Variants in ERBB4 observed in about 807,000 individuals in gnomAD.
The protein encoded by ERBB4 is receptor tyrosine-protein kinase erbB-4.
A neutral mutation model predicts 158.0 loss-of-function variants in ERBB4; 42 were observed. That is an observed-to-expected ratio of 0.27 (90% CI 0.21 to 0.34). ERBB4 has a LOEUF of 0.34. Among genes scored for constraint, ERBB4 ranks in the 10% least tolerant of loss-of-function variants. The pLI, the probability that ERBB4 is intolerant of heterozygous loss-of-function variation, is 1.00. For synonymous variants in ERBB4, 583 were observed against 558.7 expected (o/e 1.04, Z -0.61); for missense variants, 1,333 against 1,624.1 (o/e 0.82, Z 3.08).
chr2:211,435,271 G>A (rs2063824785), intron 20 of ERBB4, among the ~76,000 whole-genome samples: 1 of 152,194 alleles, frequency 6.6e-6, no homozygotes, highest in Non-Finnish European at 1.5e-5. Context: ...CGTCAGGCCA[G>A]CTTGAGTAAA....
chr2:212,403,178 A>T, intron 1 of ERBB4, among the ~76,000 whole-genome samples: 1 of 152,118 alleles, frequency 6.6e-6, no homozygotes, highest in East Asian at 1.9e-4. Context: ...AAGGCCTTAG[A>T]AAGTTCAAAA....
chr2:211,880,487 T>C (rs966341080), intron 3 of ERBB4, among the ~76,000 whole-genome samples: 1 of 152,200 alleles, frequency 6.6e-6, no homozygotes, highest in Non-Finnish European at 1.5e-5. Context: ...AATTGTTTAC[T>C]TGACTATACA....
chr2:211,453,888 A>C (rs1384593683), intron 20 of ERBB4, among the ~76,000 whole-genome samples: 1 of 152,206 alleles, frequency 6.6e-6, no homozygotes, highest in South Asian at 2.1e-4. Context: ...CTAGGAAAAA[A>C]TACTAAGCTA....
At chr2:211,876,079 C>A (rs2078491532) in intron 3 of ERBB4, among the ~76,000 whole-genome samples, 1 of 152,128 alleles carries the variant, frequency 6.6e-6, no homozygotes, top group African/African-American at 2.4e-5. Context: ...TTAAAATAGA[C>A]AAATACACAG....
intron 1 of ERBB4, among the ~76,000 whole-genome samples, chr2:212,419,555 A>T (rs1289307705): frequency 1.3e-5 from 2 of 151,894 alleles, no homozygotes; most frequent in Non-Finnish European, 2.9e-5. Flanking sequence ...ATATAAATGT[A>T]TATGCATATA....
chr2:211,644,255 C>T (rs1275842352), intron 16 of ERBB4, among the ~76,000 whole-genome samples: 1 of 151,958 alleles, frequency 6.6e-6, no homozygotes, highest in Non-Finnish European at 1.5e-5. Flanking sequence ...ACTGAATTCA[C>T]AAAAACACAT....
At chr2:211,423,710 C>G (rs1274031914) in intron 23 of ERBB4, among the ~76,000 whole-genome samples, 2 of 151,910 alleles carry the variant, frequency 1.3e-5, no homozygotes, top group Non-Finnish European at 2.9e-5. Flanking sequence ...ACCAGTAGAC[C>G]TATTTCTATT....
At chr2:212,019,751 C>T (rs1575525573) in intron 2 of ERBB4, among the ~76,000 whole-genome samples, 1 of 26,616 alleles carries the variant, frequency 3.8e-5, no homozygotes. Context: ...AACAAAGCAA[C>T]ATTCTGTAAA....
chr2:211,562,210 C>T (rs2067415609), intron 19 of ERBB4, 122 bp from the exon 20 acceptor site: 1 of 787,772 alleles, frequency 1.3e-6, no homozygotes, highest in African/African-American at 1.7e-5. Flanking sequence ...TGGAATCAAT[C>T]AAAATGAAAA....
intron 4 of ERBB4, among the ~76,000 whole-genome samples, chr2:211,759,814 T>C (rs200619672): frequency 2.4e-4 from 8 of 32,952 alleles, no homozygotes; most frequent in African/African-American, 5.4e-4. Context: ...AGAGTGTGTG[T>C]GTGTGTGTGT....
intron 1 of ERBB4, among the ~76,000 whole-genome samples, chr2:212,384,920 T>TATATATATATATATAC (rs764463489): frequency 5.6e-4 from 69 of 123,750 alleles, no homozygotes; most frequent in Admixed American, 8.6e-4. Context: ...TATATATATA[T>TATATATATATATATAC]ACACACACAC....
intron 20 of ERBB4, among the ~76,000 whole-genome samples, chr2:211,444,543 A>C (rs1176272686): frequency 2.2e-4 from 33 of 152,078 alleles, no homozygotes; most frequent in Non-Finnish European, 2.9e-5. Context: ...CTTGTGTCCT[A>C]TATTTGTGTA....
chr2:212,205,849 A>C (rs2082730153), intron 1 of ERBB4, among the ~76,000 whole-genome samples: 1 of 152,158 alleles, frequency 6.6e-6, no homozygotes. Context: ...GTTTCTGAAA[A>C]CCGAGTTGAT....
intron 1 of ERBB4, among the ~76,000 whole-genome samples, chr2:212,401,489 T>G (rs2091201708): frequency 6.6e-6 from 1 of 152,130 alleles, no homozygotes; most frequent in South Asian, 2.1e-4. Context: ...TTATATTTGT[T>G]AATATATTTA....
At chr2:212,196,173 C>T (rs189759174) in intron 1 of ERBB4, among the ~76,000 whole-genome samples, 1 of 152,076 alleles carries the variant, frequency 6.6e-6, no homozygotes, top group East Asian at 1.9e-4. Flanking sequence ...GAAGCTTTAC[C>T]AATAACAATT....
intron 5 of ERBB4, among the ~76,000 whole-genome samples, chr2:211,747,400 C>A (rs966713686): frequency 6.6e-6 from 1 of 152,022 alleles, no homozygotes; most frequent in Non-Finnish European, 1.5e-5. Context: ...TCCTGTGGGG[C>A]AGAAATCACT....
chr2:211,888,479 A>T (rs1325204943), intron 3 of ERBB4, among the ~76,000 whole-genome samples: 1 of 152,130 alleles, frequency 6.6e-6, no homozygotes, highest in Non-Finnish European at 1.5e-5. Context: ...AATCAATTTT[A>T]TTTTTGTTTT....
intron 3 of ERBB4, among the ~76,000 whole-genome samples, chr2:211,833,815 G>A (rs888574427): frequency 6.6e-6 from 1 of 151,974 alleles, no homozygotes. Flanking sequence ...ACTAGACCTG[G>A]TCATTTTCAA....
At chr2:212,469,617 T>C (rs958024976) in intron 1 of ERBB4, among the ~76,000 whole-genome samples, 3 of 152,176 alleles carry the variant, frequency 2.0e-5, no homozygotes, top group South Asian at 2.1e-4. Context: ...CCTCAATAAC[T>C]GCACAGGTAA....
Sources: gnomAD v4.1 joint callset for allele counts (sites outside exome capture counted in the v4.1 genomes callset) on GRCh38, gnomAD v4.1.1 for gene constraint, MANE v1.5 for transcripts, NCBI Gene and HGNC (gene_info 2026-07-23, HGNC 2026-07-21) for gene names.